Variants in EPHA10 observed in about 807,000 individuals in gnomAD.
EPHA10 encodes ephrin type-A receptor 10.
In EPHA10, 120 loss-of-function variants were observed where a neutral mutation model predicts 109.7. That is an observed-to-expected ratio of 1.09 (90% CI 0.94 to 1.27). The LOEUF (loss-of-function observed/expected upper bound fraction) is 1.27. Among genes scored for constraint, EPHA10 ranks in the 50% most tolerant of loss-of-function variants. The probability of loss-of-function intolerance (pLI) is 0.00; values close to 1 mark genes in which losing one functional copy is unlikely to be tolerated. For missense variants in EPHA10, 1,396 were observed against 1,411.1 expected (o/e 0.99, Z 0.17); for synonymous variants, 640 against 618.9 (o/e 1.03, Z -0.51).
At chr1:37,762,346 C>T (rs913297838) in intron 2 of EPHA10, among the ~76,000 whole-genome samples, 7 of 152,164 alleles carry the variant, frequency 4.6e-5, no homozygotes, top group Admixed American at 3.9e-4. Context: ...CCTGTAGTTT[C>T]CTGACTCTCT....
At chr1:37,759,554 T>C (rs979119849) in intron 3 of EPHA10, among the ~76,000 whole-genome samples, 10 of 152,200 alleles carry the variant, frequency 6.6e-5, no homozygotes, top group Non-Finnish European at 1.5e-4. Flanking sequence ...GCATTTTCAC[T>C]GAACACCTAC....
chr1:37,740,128 C>T (rs546970061), intron 5 of EPHA10, among the ~76,000 whole-genome samples: 7 of 151,956 alleles, frequency 4.6e-5, no homozygotes, highest in Admixed American at 2.0e-4. Flanking sequence ...CTTTGGACAA[C>T]GTATCTAGTT....
chr1:37,728,446 G>C (rs1033421696), intron 7 of EPHA10, among the ~76,000 whole-genome samples: 1 of 152,154 alleles, frequency 6.6e-6, no homozygotes, highest in African/African-American at 2.4e-5. Flanking sequence ...TAACTATTAG[G>C]AATGGGAAAA....
chr1:37,751,132 G>T (rs1490363197), intron 5 of EPHA10, among the ~76,000 whole-genome samples: 1 of 145,768 alleles, frequency 6.9e-6, no homozygotes, highest in Non-Finnish European at 1.5e-5. Context: ...GTGAACCCCA[G>T]ACGCGGAGCT....
rs1645719188 is a variant in EPHA10 at position 37,718,034 on chromosome 1, C to T, written c.*338G>A. 2 of 354,052 alleles carry T rather than the reference C, an allele frequency of 5.6e-6. No individual in the cohort carries two copies. Among genetic ancestry groups the T allele is most frequent in the Non-Finnish European group, 1.0e-5 (2 of 194,410 alleles). 21.9% of individuals were successfully genotyped at this position (354,052 alleles called of 1,614,324 possible). On this transcript the variant is annotated 3_prime_UTR_variant, in exon 17 of 17. Transcript: ENST00000373048. ...CCAGTGGGTACAAATGGCAGTAGGG[C>T]ATGAGCCAGGGCAATCTCAACCCAC...
intron 5 of EPHA10, among the ~76,000 whole-genome samples, chr1:37,749,651 T>A (rs1266017329): frequency 6.6e-6 from 1 of 150,638 alleles, no homozygotes; most frequent in Non-Finnish European, 1.5e-5. Flanking sequence ...CCAGCCTGGG[T>A]GATAGAGCAA....
rs537519250 is a variant in EPHA10 at position 37,722,032 on chromosome 1, G to A, written c.1961-187C>T. 1.1e-5 allele frequency: 6 copies of A among 539,276 alleles called. No individual in the cohort carries two copies. In the East Asian group the frequency reaches 2.0e-4, roughly 18 times the overall value. The allele number at this position is 539,276 out of a possible 1,614,324, so 33.4% of individuals were successfully genotyped here. On this transcript the variant is annotated intron_variant, in intron 10 of 16. Coordinates refer to ENST00000373048, the MANE Select transcript of EPHA10 (RefSeq NM_001099439.2). Reference sequence around the variant, plus strand: ...TGTAATCCCAGCTACTTGAGAAGCTGAGGCAGGAAAATCACTTGAACCCAG... The same window carrying A: ...TGTAATCCCAGCTACTTGAGAAGCTAAGGCAGGAAAATCACTTGAACCCAG...
At chr1:37,743,019 TAATAA>T (rs1367377363) in intron 5 of EPHA10, among the ~76,000 whole-genome samples, 2 of 151,418 alleles carry the variant, frequency 1.3e-5, no homozygotes, top group African/African-American at 4.8e-5. Flanking sequence ...ATAATAATAA[TAATAA>T]AATAAAATCA....
intron 6 of EPHA10, among the ~76,000 whole-genome samples, chr1:37,734,101 C>T (rs889399284): frequency 1.3e-5 from 2 of 152,228 alleles, no homozygotes; most frequent in African/African-American, 4.8e-5. Context: ...AAACTATTTT[C>T]AGCAAAGGAG....
rs1645753213 is a variant in EPHA10 at position 37,719,620 on chromosome 1, G to A, written c.2563-13C>T. 6.2e-7 allele frequency: 1 copy of A among 1,612,298 alleles called. No homozygotes were observed. On this transcript the variant is annotated splice_polypyrimidine_tract_variant and intron_variant, in intron 14 of 16. Transcript: ENST00000373048. ...CAGCCTTGATCACCTGGGCCACAGGGGTGGGGAGCAGAGAGGAGGCTCTGG... is the reference window on the plus strand; with the variant it reads ...CAGCCTTGATCACCTGGGCCACAGGAGTGGGGAGCAGAGAGGAGGCTCTGG...
intron 8 of EPHA10, among the ~76,000 whole-genome samples, chr1:37,723,818 G>A (rs1417562948): frequency 1.3e-5 from 2 of 152,262 alleles, no homozygotes; most frequent in Non-Finnish European, 1.5e-5. Flanking sequence ...GAAAGGTGCT[G>A]TACTGTTGGG....
rs753287236 is a variant in EPHA10, at chr1:37,718,716, T to C, written c.2857A>G (p.Ser953Gly). ...EALDLCRYKDSFAAAGYGSLE... is the reference protein window; with the variant it reads ...EALDLCRYKDGFAAAGYGSLE... Reference sequence around the variant, plus strand: ...CTCCCATAGCCAGCAGCCGCGAAGCTGTCCTTGTAGCGGCACAGGTCCAGG... The same window carrying C: ...CTCCCATAGCCAGCAGCCGCGAAGCCGTCCTTGTAGCGGCACAGGTCCAGG... Residue 953 changes from serine to glycine, a missense_variant, in exon 16 of 17, where the codon AGC becomes GGC. By Grantham distance (56) the Ser-to-Gly change is moderately conservative. Coordinates refer to ENST00000373048, the MANE Select transcript of EPHA10 (RefSeq NM_001099439.2). The C allele has an allele frequency of 6.2e-7, 1 of 1,613,276 alleles. No homozygotes were observed. The highest frequency in any genetic ancestry group is 8.5e-7 in the Non-Finnish European group (1 of 1,180,004).
chr1:37,719,300 G>A (rs977264840), intron 15 of EPHA10, 114 bp downstream of exon 15: 7 of 1,254,400 alleles, frequency 5.6e-6, no homozygotes, highest in South Asian at 1.4e-5. Context: ...GCAATGGGGT[G>A]AACAATTGCT....
Position 37,721,743 on chromosome 1 carries a change from C to T in EPHA10, c.2063G>A (p.Arg688Lys), listed in dbSNP as rs1385848066. Residue 688 changes from arginine (R) to lysine (K), a missense_variant, in exon 11 of 17, where the codon AGG becomes AAG. Coordinates refer to ENST00000373048, the MANE Select transcript of EPHA10 (RefSeq NM_001099439.2). ...GAGGGCCTCGGCCAGGAAGCCGAGCCTCTGTGAGTCGGAGGCGCTGTCCCT... is the reference window on the plus strand; with the variant it reads ...GAGGGCCTCGGCCAGGAAGCCGAGCTTCTGTGAGTCGGAGGCGCTGTCCCT... ...MLRDSASDSQ[R>K]LGFLAEALTL... 1 of 1,612,722 alleles carries T rather than the reference C, an allele frequency of 6.2e-7. No individual in the cohort carries two copies. The highest frequency in any genetic ancestry group is 8.5e-7 in the Non-Finnish European group (1 of 1,179,890).
At chr1:37,758,245 T>A (rs1054954923) in intron 3 of EPHA10, among the ~76,000 whole-genome samples, 3 of 152,216 alleles carry the variant, frequency 2.0e-5, no homozygotes, top group African/African-American at 7.2e-5. Flanking sequence ...GGGACCGGGA[T>A]GGGGATCCCC....
In EPHA10 at chr1:37,717,028, C is replaced by T. The variant is rs1645703756; in HGVS notation, c.*1344G>A. On this transcript the variant is annotated 3_prime_UTR_variant, in exon 17 of 17. Transcript: ENST00000373048. ...ACCTCTTGTCTCCTCTTTCCCGCCC[C>T]ATCCCACCCCACCAACACACAGCCA... The T allele has an allele frequency of 4.4e-6, 1 of 227,076 alleles. No homozygotes were observed. The highest frequency in any genetic ancestry group is 5.7e-5 in the Admixed American group (1 of 17,526). 14.1% of individuals were successfully genotyped at this position (227,076 alleles called of 1,614,324 possible). A position where few individuals can be genotyped will look rare whatever the true frequency, so the allele number is the denominator to read the frequency against.
At chr1:37,745,206 G>T (rs1646212263) in intron 5 of EPHA10, among the ~76,000 whole-genome samples, 1 of 152,154 alleles carries the variant, frequency 6.6e-6, no homozygotes, top group Non-Finnish European at 1.5e-5. Flanking sequence ...GAACACAAGG[G>T]TCTAGTGTCT....
At position 37,727,032 on chromosome 1, in the gene EPHA10, T is replaced by G; in HGVS notation, c.1772+70A>C. The G allele has an allele frequency of 5.5e-6, 7 of 1,264,170 alleles. 1 individual carries two copies. Among genetic ancestry groups the G allele is most frequent in the Non-Finnish European group, 7.7e-6 (7 of 903,546 alleles). The allele number at this position is 1,264,170 out of a possible 1,614,324, so 78.3% of individuals were successfully genotyped here. On this transcript the variant is annotated intron_variant, in intron 8 of 16. Coordinates refer to ENST00000373048, the MANE Select transcript of EPHA10 (RefSeq NM_001099439.2). The stretch of plus-strand genomic sequence containing the variant: ...TGTGTGCAAAGTGGGCAGAGATGCC[T>G]GTGAGCACACATTAATGTGCACGGG...
At chr1:37,732,581 G>A (rs945145137) in intron 6 of EPHA10, among the ~76,000 whole-genome samples, 4 of 152,180 alleles carry the variant, frequency 2.6e-5, no homozygotes, top group African/African-American at 9.7e-5. Flanking sequence ...TTGAAAGACA[G>A]AGAAGCAGTG....
Sources: gnomAD v4.1 joint callset for allele counts (sites outside exome capture counted in the v4.1 genomes callset) on GRCh38, gnomAD v4.1.1 for gene constraint, MANE v1.5 for transcripts, NCBI Gene and HGNC (gene_info 2026-07-23, HGNC 2026-07-21) for gene names.